Variants in LHFPL4 observed in about 807,000 individuals in gnomAD.
LHFPL4 encodes LHFPL tetraspan subfamily member 4.
LHFPL4 carries 6 observed loss-of-function variants against 20.0 expected under a neutral mutation model. That is an observed-to-expected ratio of 0.30 (90% confidence interval 0.16 to 0.59). The LOEUF (loss-of-function observed/expected upper bound fraction) is 0.59, where lower values mean the gene tolerates loss of function less well. LHFPL4 is among the 20% of genes least tolerant of loss of function. The pLI, the probability that LHFPL4 is intolerant of heterozygous loss-of-function variation, is 0.88. For synonymous variants in LHFPL4, 129 were observed against 143.8 expected (o/e 0.90, Z 0.74); for missense variants, 215 against 331.2 (o/e 0.65, Z 2.72).
At chr3:9,548,959 A>G (rs1288140635) in intron 2 of LHFPL4, among the ~76,000 whole-genome samples, 1 of 152,254 alleles carries the variant, frequency 6.6e-6, no homozygotes, top group Admixed American at 6.5e-5. Flanking sequence ...AAGTGGATTT[A>G]AAATGAGCGA....
chr3:9,524,091 T>G (rs535261141), intron 2 of LHFPL4, among the ~76,000 whole-genome samples: 2 of 151,650 alleles, frequency 1.3e-5, no homozygotes, highest in East Asian at 3.9e-4. Context: ...AAGATGTTTG[T>G]TTTTTGTTGT....
At chr3:9,509,924 T>C (rs998824567) in intron 2 of LHFPL4, among the ~76,000 whole-genome samples, 1 of 152,200 alleles carries the variant, frequency 6.6e-6, no homozygotes. Context: ...CTGAGGCTTT[T>C]GTGCTCCAAG....
In LHFPL4 at chr3:9,519,321, C is replaced by G. The variant is rs555685558; in HGVS notation, c.407-13118G>C. 4.6e-5 allele frequency among the ~76,000 whole-genome samples: 7 copies of G among 151,478 alleles called. No individual in the cohort carries two copies. The South Asian group carries it at 1.5e-3, about 32-fold the overall frequency. On this transcript the variant is annotated intron_variant, in intron 2 of 3. Coordinates refer to ENST00000287585, the MANE Select transcript of LHFPL4 (RefSeq NM_198560.3). Reference sequence around the variant, plus strand: ...AACTCCTGACCTTAGGTGATCCACCCGCCTCAGCCTCCCAAATTACTGGAA... The same window carrying G: ...AACTCCTGACCTTAGGTGATCCACCGGCCTCAGCCTCCCAAATTACTGGAA...
chr3:9,545,620 A>C (rs1235349628), intron 2 of LHFPL4, among the ~76,000 whole-genome samples: 2 of 152,098 alleles, frequency 1.3e-5, no homozygotes. Context: ...TACAAAAATT[A>C]GCTAGAAATT....
rs2046160793 is a variant in LHFPL4, at chr3:9,500,159, A to G, written c.*2052T>C. On this transcript the variant is annotated 3_prime_UTR_variant, in exon 4 of 4. Coordinates refer to ENST00000287585, the MANE Select transcript of LHFPL4 (RefSeq NM_198560.3). ...TCTCCTCACCCCAGTGTCTTCTCCC[A>G]TTCCCAGTCGCTTGCTGCGCCCCTC... 1 of 151,284 alleles carries G rather than the reference A, an allele frequency of 6.6e-6. No homozygotes were observed. The highest frequency in any genetic ancestry group is 2.4e-5 in the African/African-American group (1 of 40,852). 9.4% of individuals were successfully genotyped at this position (151,284 alleles called of 1,614,324 possible).
At chr3:9,545,858 A>G (rs566535999) in intron 2 of LHFPL4, among the ~76,000 whole-genome samples, 2 of 152,302 alleles carry the variant, frequency 1.3e-5, no homozygotes, top group East Asian at 1.9e-4. Context: ...ACAGTAAGCC[A>G]TGATCGCACC....
chr3:9,529,082 G>A (rs1438574941), intron 2 of LHFPL4, among the ~76,000 whole-genome samples: 1 of 151,548 alleles, frequency 6.6e-6, no homozygotes, highest in Admixed American at 6.6e-5. Flanking sequence ...AGGCTGGAGT[G>A]CAGTGGCACT....
intron 2 of LHFPL4, among the ~76,000 whole-genome samples, chr3:9,542,452 T>C (rs779336833): frequency 4.6e-5 from 7 of 152,116 alleles, no homozygotes; most frequent in Non-Finnish European, 1.0e-4. Flanking sequence ...AATATTGATA[T>C]GTGCTCTAAC....
intron 2 of LHFPL4, among the ~76,000 whole-genome samples, chr3:9,515,992 G>C (rs1404606709): frequency 6.6e-6 from 1 of 152,148 alleles, no homozygotes; most frequent in Admixed American, 6.5e-5. Context: ...AGGGACTATA[G>C]GCGTGAACCA....
intron 2 of LHFPL4, among the ~76,000 whole-genome samples, chr3:9,528,195 T>A (rs1398009217): frequency 6.6e-6 from 1 of 152,208 alleles, no homozygotes; most frequent in Non-Finnish European, 1.5e-5. Flanking sequence ...TATGATGCTA[T>A]TTGATAGCAT....
chr3:9,501,936 A>T lies in LHFPL4; in HGVS notation c.*275T>A, dbSNP rs1048440661. The T allele has an allele frequency of 2.2e-6, 1 of 464,506 alleles. No homozygotes were observed. The highest frequency in any genetic ancestry group is 2.0e-5 in the African/African-American group (1 of 51,046). 28.8% of individuals were successfully genotyped at this position (464,506 alleles called of 1,614,324 possible). A position where few individuals can be genotyped will look rare whatever the true frequency, so the allele number is the denominator to read the frequency against. On this transcript the variant is annotated 3_prime_UTR_variant, in exon 4 of 4. Coordinates refer to ENST00000287585, the MANE Select transcript of LHFPL4 (RefSeq NM_198560.3). ...GGACCTCCAGGCCAGTCTAGAGAGG[A>T]GAGGAGAAGCCCAAGGGCCTACGCA...
chr3:9,511,378 G>GA (rs1416042989), intron 2 of LHFPL4, among the ~76,000 whole-genome samples: 1 of 151,710 alleles, frequency 6.6e-6, no homozygotes, highest in East Asian at 1.9e-4. Flanking sequence ...CATGAGGTGG[G>GA]AAAAAATACC....
At chr3:9,504,903 T>C (rs1468012232) in intron 3 of LHFPL4, among the ~76,000 whole-genome samples, 1 of 151,950 alleles carries the variant, frequency 6.6e-6, no homozygotes, top group Non-Finnish European at 1.5e-5. Context: ...TCGAGCTCAA[T>C]AAATATATCA....
At chr3:9,551,989 C>T (rs1007510833) in intron 2 of LHFPL4, among the ~76,000 whole-genome samples, 1 of 152,118 alleles carries the variant, frequency 6.6e-6, no homozygotes, top group Admixed American at 6.5e-5. Context: ...CCAACAGAGA[C>T]CCTTAGAGAC....
intron 3 of LHFPL4, 41 bp downstream of exon 3, chr3:9,505,925 GC>G (rs1559514053): frequency 6.4e-7 from 1 of 1,557,384 alleles, no homozygotes; most frequent in Non-Finnish European, 8.9e-7. Context: ...CCAGGACCAG[GC>G]CTGGCTCCCG....
chr3:9,535,917 T>C (rs561797062), intron 2 of LHFPL4, among the ~76,000 whole-genome samples: 1 of 152,336 alleles, frequency 6.6e-6, no homozygotes, highest in South Asian at 2.1e-4. Flanking sequence ...TTCTCCTGCC[T>C]CAGCCTCCTG....
chr3:9,503,561 AAGAGCTTGGACT>A (rs899209603), intron 3 of LHFPL4, among the ~76,000 whole-genome samples: 11 of 152,048 alleles, frequency 7.2e-5, no homozygotes, highest in African/African-American at 2.7e-4. Flanking sequence ...GACAGGGGGG[AAGAGCTTGGACT>A]TTGGACTTGG....
intron 3 of LHFPL4, among the ~76,000 whole-genome samples, chr3:9,503,991 A>T (rs936550194): frequency 2.0e-5 from 3 of 152,150 alleles, no homozygotes; most frequent in Non-Finnish European, 4.4e-5. Context: ...GCACCACTGC[A>T]CTCCAGCCTG....
At chr3:9,509,512 T>G (rs1235362744) in intron 2 of LHFPL4, among the ~76,000 whole-genome samples, 1 of 152,092 alleles carries the variant, frequency 6.6e-6, no homozygotes, top group East Asian at 1.9e-4. Flanking sequence ...GCAGGCTGGG[T>G]GTCTGTCTTC....
Sources: gnomAD v4.1 joint callset for allele counts (sites outside exome capture counted in the v4.1 genomes callset) on GRCh38, gnomAD v4.1.1 for gene constraint, MANE v1.5 for transcripts, NCBI Gene and HGNC (gene_info 2026-07-23, HGNC 2026-07-21) for gene names.